CYREN: variants seen among roughly 807,000 people sequenced by gnomAD.
The protein encoded by CYREN is cell cycle regulator of non-homologous end joining.
A neutral mutation model predicts 9.7 loss-of-function variants in CYREN; 7 were observed. That is an observed-to-expected ratio of 0.72 (90% CI 0.41 to 1.36). The LOEUF (loss-of-function observed/expected upper bound fraction) is 1.36, where lower values mean the gene tolerates loss of function less well. Ranked by LOEUF, CYREN falls within the 40% of genes most tolerant of loss-of-function variation. The pLI is 0.01. For missense variants in CYREN, 215 were observed against 198.1 expected (o/e 1.09, Z -0.51); for synonymous variants, 76 against 77.9 (o/e 0.98, Z 0.13).
In CYREN at chr7:135,135,228, C is replaced by A. The variant is rs777074885; in HGVS notation, n.356+33521G>T. On this transcript the variant is annotated intron_variant and non_coding_transcript_variant, in intron 2 of 2. Transcript: ENST00000459937. ...AGGCCAATAAGAATGATGGACAACC[C>A]ACCTTATATCTGAAGTTCCAAAGGG... 2.3e-4 allele frequency: 351 copies of A among 1,532,642 alleles called. 2 individuals carry two copies. Among genetic ancestry groups the A allele is most frequent in the Non-Finnish European group, 2.8e-4 (320 of 1,139,598 alleles). 94.9% of individuals were successfully genotyped at this position (1,532,642 alleles called of 1,614,324 possible). A position where few individuals can be genotyped will look rare whatever the true frequency, so the allele number is the denominator to read the frequency against.
intron 2 of CYREN, among the ~76,000 whole-genome samples, chr7:135,104,195 G>A (rs544736338): frequency 6.6e-6 from 1 of 152,172 alleles, no homozygotes; most frequent in African/African-American, 2.4e-5. Context: ...GTGCTAGTTT[G>A]CTAAGGTTAA....
At chr7:135,144,788 C>T (rs963370130) in intron 2 of CYREN, among the ~76,000 whole-genome samples, 2 of 150,366 alleles carry the variant, frequency 1.3e-5, no homozygotes, top group African/African-American at 4.9e-5. Context: ...TAAAAATTAG[C>T]CAGGCATAGT....
intron 2 of CYREN, among the ~76,000 whole-genome samples, chr7:135,159,576 C>A (rs1241778084): frequency 6.6e-6 from 1 of 152,240 alleles, no homozygotes; most frequent in African/African-American, 2.4e-5. Context: ...AAGTTACATG[C>A]TGACCTGGAA....
intron 2 of CYREN, among the ~76,000 whole-genome samples, chr7:135,097,861 C>T (rs898034981): frequency 6.6e-6 from 1 of 151,988 alleles, no homozygotes; most frequent in Non-Finnish European, 1.5e-5. Flanking sequence ...AAATATGTCA[C>T]CAGAAAGGAG....
chr7:135,159,059 G>A (rs185517689), intron 2 of CYREN, among the ~76,000 whole-genome samples: 64 of 152,334 alleles, frequency 4.2e-4, no homozygotes, highest in African/African-American at 1.5e-3. Context: ...GAGCCCTAGG[G>A]GGTTCTCTCT....
At chr7:135,164,999 A>C, downstream of CYREN, 1 of 1,577,694 alleles carries the variant, frequency 6.3e-7, no homozygotes, top group Non-Finnish European at 8.6e-7. Context: ...AGAGCTGCTA[A>C]AGGCTTACGT....
intron 2 of CYREN, among the ~76,000 whole-genome samples, chr7:135,104,349 C>T (rs578017095): frequency 6.6e-6 from 1 of 152,214 alleles, no homozygotes; most frequent in Admixed American, 6.5e-5. Context: ...CATGTCTTTG[C>T]TATTATTCAC....
upstream of CYREN, among the ~76,000 whole-genome samples, chr7:135,172,273 G>A (rs564933131): frequency 6.6e-6 from 1 of 152,226 alleles, no homozygotes; most frequent in East Asian, 1.9e-4. Flanking sequence ...ATGCCTGCAT[G>A]GGCACTCTTG....
chr7:135,132,372 AT>A (rs753448784), intron 2 of CYREN, among the ~76,000 whole-genome samples: 4 of 152,360 alleles, frequency 2.6e-5, no homozygotes, highest in East Asian at 1.9e-4. Flanking sequence ...TCAAAAAGTA[AT>A]TGATGAAATC....
At chr7:135,147,665 G>T in intron 2 of CYREN, 1 of 417,120 alleles carries the variant, frequency 2.4e-6, no homozygotes, top group South Asian at 1.7e-5. Flanking sequence ...TCTCTAAAAG[G>T]GGTTGGGGGA....
At chr7:135,128,090 G>A (rs1318365845) in intron 2 of CYREN, among the ~76,000 whole-genome samples, 1 of 151,976 alleles carries the variant, frequency 6.6e-6, no homozygotes, top group African/African-American at 2.4e-5. Flanking sequence ...TCAGGAGTTT[G>A]AGACCAGCCT....
chr7:135,129,622 C>T lies in CYREN; in HGVS notation n.357-35040G>A, dbSNP rs1279209062. ...AAACATTTCACTGATCCTGCTTCAACATGTCTTAAACAGCTGTTTTATGCT... is the reference window on the plus strand; with the variant it reads ...AAACATTTCACTGATCCTGCTTCAATATGTCTTAAACAGCTGTTTTATGCT... On this transcript the variant is annotated intron_variant and non_coding_transcript_variant, in intron 2 of 2. Transcript: ENST00000459937. The T allele has an allele frequency of 1.2e-5, 9 of 777,204 alleles. No homozygotes were observed. In the Admixed American group the frequency reaches 1.4e-4, roughly 12 times the overall value. 48.1% of individuals were successfully genotyped at this position (777,204 alleles called of 1,614,324 possible).
Position 135,111,673 on chromosome 7 carries a change from T to G in CYREN, n.357-17091A>C, listed in dbSNP as rs142973335. Among the ~76,000 whole-genome samples the G allele has an allele frequency of 2.5e-3, 376 of 152,308 alleles. 2 individuals carry two copies. The highest frequency in any genetic ancestry group is 4.1e-3 in the Admixed American group (62 of 15,294). On this transcript the variant is annotated intron_variant and non_coding_transcript_variant, in intron 2 of 2. Coordinates refer to the CYREN transcript ENST00000459937. The stretch of plus-strand genomic sequence containing the variant: ...TGACACTACTCTCTCCTGGTTTTAC[T>G]CCTGTTTCTCTAGCCATTCATGAAA...
intron 2 of CYREN, among the ~76,000 whole-genome samples, chr7:135,160,699 C>T (rs1286517235): frequency 6.6e-6 from 1 of 151,162 alleles, no homozygotes; most frequent in Admixed American, 6.6e-5. Context: ...CATGAAAGAA[C>T]TCAGGGAGCC....
intron 2 of CYREN, among the ~76,000 whole-genome samples, chr7:135,103,037 C>T (rs910746175): frequency 6.6e-6 from 1 of 152,100 alleles, no homozygotes; most frequent in Non-Finnish European, 1.5e-5. Flanking sequence ...TTGTTTTATA[C>T]CTATGTCATT....
chr7:135,129,792 G>C (rs2117324894), intron 2 of CYREN: 1 of 565,004 alleles, frequency 1.8e-6, no homozygotes, highest in Non-Finnish European at 3.3e-6. Context: ...TACTCATTCA[G>C]TCTTCCTGTG....
In CYREN at chr7:135,168,774, G is replaced by C. The variant is rs753016550; in HGVS notation, c.137+12C>G. The stretch of plus-strand genomic sequence containing the variant: ...CAGATTCGCAGGAGTCTTCTGACCA[G>C]AGCTGTCGCACCTTGCTGCTGCCAC... On this transcript the variant is annotated intron_variant, in intron 2 of 3. Transcript: ENST00000393114. 2 of 1,613,008 alleles carry C rather than the reference G, an allele frequency of 1.2e-6. No homozygotes were observed. The highest frequency in any genetic ancestry group is 1.7e-5 in the Admixed American group (1 of 59,848).
Position 135,166,403 on chromosome 7 carries a change from C to A in CYREN, c.*208G>T. 1.6e-6 allele frequency: 1 copy of A among 642,688 alleles called. No individual in the cohort carries two copies. 39.8% of individuals were successfully genotyped at this position (642,688 alleles called of 1,614,324 possible). ...AGTCAAATGGGATCTCATTTTGAGT[C>A]CTGCCTTCCGCACACTCAGAACGGC... is the stretch of plus-strand genomic sequence containing the variant. On this transcript the variant is annotated 3_prime_UTR_variant, in exon 4 of 4. Coordinates refer to ENST00000393114, the MANE Select transcript of CYREN (RefSeq NM_024033.4).
upstream of CYREN, among the ~76,000 whole-genome samples, chr7:135,171,089 G>C (rs576079268): frequency 3.6e-4 from 55 of 152,236 alleles, no homozygotes; most frequent in African/African-American, 1.2e-3. Context: ...GCTTGAGGAG[G>C]ATGGGAGCCC....
Sources: allele counts gnomAD v4.1 joint callset (sites outside exome capture counted in the v4.1 genomes callset), GRCh38; gene constraint gnomAD v4.1.1; transcripts MANE v1.5; gene names NCBI Gene and HGNC (gene_info 2026-07-23, HGNC 2026-07-21).